The following KCNN2 variants were observed in gnomAD, a reference collection of about 807,000 sequenced individuals.
KCNN2 encodes the protein potassium calcium-activated channel subfamily N member 2, also known as small conductance calcium-activated potassium channel protein 2.
In KCNN2, 24 loss-of-function variants were observed where a neutral mutation model predicts 55.5. The ratio of observed to expected loss-of-function variants is 0.43; its 90% CI spans 0.31 to 0.61. The LOEUF (loss-of-function observed/expected upper bound fraction) is 0.61. KCNN2 is among the 20% of genes least tolerant of loss of function. KCNN2 has a pLI of 0.08. For synonymous variants in KCNN2, 431 were observed against 336.1 expected, an observed-to-expected ratio of 1.28 and a Z score of -3.09; for missense variants, 754 against 853.6, an observed-to-expected ratio of 0.88 and a Z score of 1.45.
intron 2 of KCNN2, among the ~76,000 whole-genome samples, chr5:114,233,989 G>A (rs1754418829): frequency 6.7e-6 from 1 of 149,536 alleles, no homozygotes; most frequent in Non-Finnish European, 1.5e-5. Context: ...AACACTTCTT[G>A]CTGTAGCCTT....
At chr5:114,149,740 A>G (rs1432189464) in intron 1 of KCNN2, among the ~76,000 whole-genome samples, 1 of 152,192 alleles carries the variant, frequency 6.6e-6, no homozygotes, top group African/African-American at 2.4e-5. Flanking sequence ...TCCATAACCT[A>G]TGATTAGCAA....
At chr5:114,315,923 G>A (rs1047814816) in intron 2 of KCNN2, among the ~76,000 whole-genome samples, 2 of 152,098 alleles carry the variant, frequency 1.3e-5, no homozygotes, top group African/African-American at 2.4e-5. Flanking sequence ...GAGTAGGGAA[G>A]CTGTTAGGAA....
Position 114,376,409 on chromosome 5 carries a change from G to A in KCNN2, c.1218+12408G>A, listed in dbSNP as rs1757947426. 1.3e-5 allele frequency among the ~76,000 whole-genome samples: 2 copies of A among 152,292 alleles called. 1 individual carries two copies. Among genetic ancestry groups the A allele is most frequent in the South Asian group, 4.1e-4 (2 of 4,822 alleles). On this transcript the variant is annotated intron_variant, in intron 2 of 7. Coordinates refer to ENST00000673685, the MANE Select transcript of KCNN2 (RefSeq NM_021614.4). The stretch of plus-strand genomic sequence containing the variant: ...TCTGCACTAGTGTGCAAGAACACAG[G>A]TGGCTGCAGCAAGGTGATCAGTGTG...
intron 1 of KCNN2, among the ~76,000 whole-genome samples, chr5:114,061,889 G>A (rs919454121): frequency 5.3e-5 from 8 of 152,148 alleles, no homozygotes; most frequent in Admixed American, 3.9e-4. Context: ...ACAGTTTTAC[G>A]AAGCTTGTCC....
intron 2 of KCNN2, among the ~76,000 whole-genome samples, chr5:114,292,663 T>C (rs1409333061): frequency 6.6e-6 from 1 of 152,194 alleles, no homozygotes; most frequent in Non-Finnish European, 1.5e-5. Context: ...TAGGATTGAC[T>C]TGGTGACGCG....
chr5:114,367,554 A>G (rs1757636323), intron 2 of KCNN2, among the ~76,000 whole-genome samples: 1 of 152,210 alleles, frequency 6.6e-6, no homozygotes, highest in African/African-American at 2.4e-5. Context: ...ATTTTTGTAC[A>G]GTTTGGAAAG....
chr5:114,414,090 C>A (rs1759222108), intron 3 of KCNN2, among the ~76,000 whole-genome samples: 1 of 152,126 alleles, frequency 6.6e-6, no homozygotes, highest in East Asian at 1.9e-4. Context: ...CTTCCTACTT[C>A]CTGCTGGATT....
intron 2 of KCNN2, among the ~76,000 whole-genome samples, chr5:114,234,897 G>A (rs1461630144): frequency 2.0e-5 from 3 of 152,144 alleles, no homozygotes; most frequent in Non-Finnish European, 4.4e-5. Context: ...TTCAGTATGT[G>A]TTATGAGTTA....
intron 2 of KCNN2, among the ~76,000 whole-genome samples, chr5:114,258,220 T>A (rs1755020293): frequency 6.6e-6 from 1 of 152,198 alleles, no homozygotes; most frequent in Non-Finnish European, 1.5e-5. Flanking sequence ...ATTAGCTTTT[T>A]GATGTGCTGT....
chr5:114,155,694 C>T (rs557075588), intron 1 of KCNN2, among the ~76,000 whole-genome samples: 7 of 152,108 alleles, frequency 4.6e-5, no homozygotes, highest in African/African-American at 1.7e-4. Flanking sequence ...TTTTCAAAAA[C>T]GTCGGTTCAT....
At chr5:114,373,698 T>TTTA (rs1267054492) in intron 2 of KCNN2, among the ~76,000 whole-genome samples, 3 of 118,408 alleles carry the variant, frequency 2.5e-5, no homozygotes, top group African/African-American at 8.6e-5. Context: ...GTAAGGGCTA[T>TTTA]TTACATGTCA....
chr5:114,151,647 G>A (rs1382353927), intron 1 of KCNN2, among the ~76,000 whole-genome samples: 2 of 152,140 alleles, frequency 1.3e-5, no homozygotes, highest in Non-Finnish European at 2.9e-5. Context: ...AAAGGTTAGT[G>A]ATTTTTTTTA....
At chr5:114,348,450 C>G (rs141505814) in intron 2 of KCNN2, among the ~76,000 whole-genome samples, 1,796 of 152,140 alleles carry the variant, frequency 0.012, 31 homozygotes, top group African/African-American at 0.04. Context: ...GAAGCCATTA[C>G]CAGTCATCTT....
At chr5:114,169,540 C>G (rs1752987148) in intron 1 of KCNN2, among the ~76,000 whole-genome samples, 1 of 152,088 alleles carries the variant, frequency 6.6e-6, no homozygotes, top group Non-Finnish European at 1.5e-5. Context: ...GTTCCTGGAA[C>G]TTTTATCTCC....
intron 3 of KCNN2, among the ~76,000 whole-genome samples, chr5:114,425,496 A>G (rs1418967433): frequency 1.3e-5 from 2 of 152,100 alleles, no homozygotes; most frequent in Admixed American, 6.5e-5. Context: ...CCTCCTTTGC[A>G]CACATCCTCA....
intron 2 of KCNN2, among the ~76,000 whole-genome samples, chr5:114,274,805 T>C (rs2150009984): frequency 6.6e-6 from 1 of 152,332 alleles, no homozygotes; most frequent in East Asian, 1.9e-4. Context: ...ACTTCCTCTC[T>C]TCCTATTTGA....
rs773304453 is a variant in KCNN2 at position 114,473,184 on chromosome 5, T to C, written c.1890+20T>C. ...AAAAGAGTAAGTTACTATCCATATA[T>C]CTTCAAAGAGAATATTATTGTGATT... On this transcript the variant is annotated intron_variant, in intron 5 of 7. Transcript: ENST00000673685. The C allele has an allele frequency of 5.9e-6, 8 of 1,364,080 alleles. No individual in the cohort carries two copies. The highest frequency in any genetic ancestry group is 4.2e-6 in the Non-Finnish European group (4 of 959,084). The allele number at this position is 1,364,080 out of a possible 1,614,324, so 84.5% of individuals were successfully genotyped here.
chr5:114,136,871 T>A (rs1320802073), intron 1 of KCNN2, among the ~76,000 whole-genome samples: 1 of 152,184 alleles, frequency 6.6e-6, no homozygotes, highest in Non-Finnish European at 1.5e-5. Flanking sequence ...TTGCTTTATA[T>A]GTTTTCTAAG....
intron 2 of KCNN2, among the ~76,000 whole-genome samples, chr5:114,255,308 T>G (rs184804565): frequency 6.6e-6 from 1 of 152,152 alleles, no homozygotes; most frequent in Admixed American, 6.6e-5. Flanking sequence ...CAACAAAAAC[T>G]TAGCTGAAGG....
Sources: allele counts gnomAD v4.1 joint callset (sites outside exome capture counted in the v4.1 genomes callset), GRCh38; gene constraint gnomAD v4.1.1; transcripts MANE v1.5; gene names NCBI Gene and HGNC (gene_info 2026-07-23, HGNC 2026-07-21).